The following HSD17B12 variants were observed in gnomAD, a reference collection of about 807,000 sequenced individuals.
HSD17B12 encodes hydroxysteroid 17-beta dehydrogenase 12, also known as very-long-chain 3-oxoacyl-CoA reductase.
HSD17B12 carries 32 observed loss-of-function variants against 39.3 expected under a neutral mutation model. The observed-to-expected ratio is 0.81, with a 90% confidence interval of 0.61 to 1.09. The LOEUF (loss-of-function observed/expected upper bound fraction) is 1.09, where lower values mean the gene tolerates loss of function less well. Ranked by LOEUF, HSD17B12 falls within the 50% of genes least tolerant of loss-of-function variation. The pLI, the probability that HSD17B12 is intolerant of heterozygous loss-of-function variation, is 0.00. For missense variants in HSD17B12, 342 were observed against 382.9 expected, an observed-to-expected ratio of 0.89 and a Z score of 0.89; for synonymous variants, 150 against 146.7, an observed-to-expected ratio of 1.02 and a Z score of -0.16.
the HSD17B12 span, among the ~76,000 whole-genome samples, chr11:43,590,437 CA>C: frequency 0.47 from 31,412 of 66,358 alleles, 5,637 homozygotes; most frequent in East Asian, 0.64. Flanking sequence ...TTAAGTTTAG[CA>C]AAAAAAAAAA....
At chr11:43,639,232 A>C in the HSD17B12 span, among the ~76,000 whole-genome samples, 1 of 152,220 alleles carries the variant, frequency 6.6e-6, no homozygotes, top group African/African-American at 2.4e-5. Flanking sequence ...TAAGGTGTGG[A>C]GATATTAGAG....
At chr11:43,643,132 TAGC>T in the HSD17B12 span, among the ~76,000 whole-genome samples, 1 of 152,080 alleles carries the variant, frequency 6.6e-6, no homozygotes, top group Non-Finnish European at 1.5e-5. Context: ...GTGAGAAAAA[TAGC>T]AGATAATTTG....
chr11:43,609,919 G>A, the HSD17B12 span, among the ~76,000 whole-genome samples: 1 of 152,098 alleles, frequency 6.6e-6, no homozygotes, highest in African/African-American at 2.4e-5. Context: ...TAAATTATTA[G>A]TCTCATAAGG....
At chr11:43,748,840 A>T (rs1950440058) in intron 1 of HSD17B12, among the ~76,000 whole-genome samples, 1 of 152,204 alleles carries the variant, frequency 6.6e-6, no homozygotes, top group Non-Finnish European at 1.5e-5. Flanking sequence ...GCAAAAAAAA[A>T]TTCAAACATT....
At chr11:43,702,794 T>A (rs1949977067) in intron 1 of HSD17B12, among the ~76,000 whole-genome samples, 1 of 152,148 alleles carries the variant, frequency 6.6e-6, no homozygotes, top group East Asian at 1.9e-4. Context: ...TTCTAAAACA[T>A]GAGATTTTTT....
intron 4 of HSD17B12, 69 bp downstream of exon 4, chr11:43,798,496 A>G: frequency 1.0e-6 from 1 of 988,782 alleles, no homozygotes. Flanking sequence ...TTTGGATGTT[A>G]AGTGGTAAAA....
the HSD17B12 span, among the ~76,000 whole-genome samples, chr11:43,655,537 T>C: frequency 6.6e-6 from 1 of 152,312 alleles, no homozygotes; most frequent in East Asian, 1.9e-4. Flanking sequence ...ATATTGGCTG[T>C]GGGTTTCTCA....
chr11:43,665,599 G>C, the HSD17B12 span, among the ~76,000 whole-genome samples: 5 of 152,046 alleles, frequency 3.3e-5, no homozygotes, highest in Admixed American at 6.6e-5. Flanking sequence ...AGGTCCTTCA[G>C]GTTTCTTGGT....
the HSD17B12 span, among the ~76,000 whole-genome samples, chr11:43,666,847 G>A: frequency 2.6e-5 from 4 of 152,190 alleles, no homozygotes; most frequent in Non-Finnish European, 5.9e-5. Context: ...ATTTTCCTAA[G>A]ATCACTCTTA....
chr11:43,714,266 T>G (rs1229353328), intron 1 of HSD17B12, among the ~76,000 whole-genome samples: 15 of 152,360 alleles, frequency 9.8e-5, no homozygotes, highest in African/African-American at 3.4e-4. Context: ...GGTCTAACAT[T>G]TAAGTCTTTA....
At chr11:43,741,348 T>A (rs1950362494) in intron 1 of HSD17B12, among the ~76,000 whole-genome samples, 1 of 152,140 alleles carries the variant, frequency 6.6e-6, no homozygotes, top group Non-Finnish European at 1.5e-5. Context: ...TAAGTGACCT[T>A]GAGAAACACT....
At chr11:43,590,437 C>CAAAAAAAAAAAAAAA in the HSD17B12 span, among the ~76,000 whole-genome samples, 1 of 66,270 alleles carries the variant, frequency 1.5e-5, no homozygotes, top group African/African-American at 5.8e-5. Flanking sequence ...TTAAGTTTAG[C>CAAAAAAAAAAAAAAA]AAAAAAAAAA....
the HSD17B12 span, among the ~76,000 whole-genome samples, chr11:43,630,404 T>C: frequency 6.6e-6 from 1 of 152,192 alleles, no homozygotes; most frequent in East Asian, 1.9e-4. Context: ...AAGCGGGGAT[T>C]TGTAGGGTGC....
At chr11:43,817,012 A>ATC (rs1341049424) in intron 6 of HSD17B12, among the ~76,000 whole-genome samples, 1 of 20,262 alleles carries the variant, frequency 4.9e-5, no homozygotes, top group Non-Finnish European at 1.5e-4. Context: ...ATCTATATCT[A>ATC]TATCTATATC....
At chr11:43,853,181 C>CA (rs1951548375) in intron 9 of HSD17B12, 2 of 151,650 alleles carry the variant, frequency 1.3e-5, no homozygotes, top group Admixed American at 6.6e-5. Flanking sequence ...ACTAAAAATA[C>CA]AAAAAATTAG....
intron 1 of HSD17B12, among the ~76,000 whole-genome samples, chr11:43,692,209 G>T (rs1949869069): frequency 6.6e-6 from 1 of 152,166 alleles, no homozygotes; most frequent in South Asian, 2.1e-4. Flanking sequence ...CAATTGGGGG[G>T]TCAGATGTTT....
At chr11:43,761,494 A>T (rs756000231) in intron 3 of HSD17B12, among the ~76,000 whole-genome samples, 97 of 152,330 alleles carry the variant, frequency 6.4e-4, no homozygotes, top group Non-Finnish European at 1.2e-3. Flanking sequence ...TATTGTGGTA[A>T]AGGAACAACC....
At chr11:43,650,528 G>A in the HSD17B12 span, among the ~76,000 whole-genome samples, 5 of 152,254 alleles carry the variant, frequency 3.3e-5, no homozygotes, top group South Asian at 1.0e-3. Flanking sequence ...ATATAGAGTG[G>A]TGGAGCCGTT....
intron 6 of HSD17B12, among the ~76,000 whole-genome samples, chr11:43,822,951 G>T (rs1020540481): frequency 6.6e-6 from 1 of 151,978 alleles, no homozygotes; most frequent in Non-Finnish European, 1.5e-5. Context: ...CCCACCAACC[G>T]TGTGGAAGAG....
Sources: gnomAD v4.1 joint callset for allele counts (sites outside exome capture counted in the v4.1 genomes callset) on GRCh38, gnomAD v4.1.1 for gene constraint, MANE v1.5 for transcripts, NCBI Gene and HGNC (gene_info 2026-07-23, HGNC 2026-07-21) for gene names.